ROBO2: variants seen among roughly 807,000 people sequenced by gnomAD.
ROBO2 encodes roundabout homolog 2.
In ROBO2, 53 loss-of-function variants were observed where a neutral mutation model predicts 160.8. The ratio of observed to expected loss-of-function variants is 0.33; its 90% CI spans 0.26 to 0.41. The LOEUF is 0.41. Ranked by LOEUF, ROBO2 falls within the 10% of genes least tolerant of loss-of-function variation. ROBO2 has a pLI of 1.00. For synonymous variants in ROBO2, 664 were observed against 611.7 expected (o/e 1.09, Z -1.26); for missense variants, 1,577 against 1,722.4 (o/e 0.92, Z 1.49).
chr3:76,700,954 C>T (rs574366456), intron 2 of ROBO2, among the ~76,000 whole-genome samples: 1 of 152,072 alleles, frequency 6.6e-6, no homozygotes, highest in Non-Finnish European at 1.5e-5. Flanking sequence ...AATCATGATT[C>T]CTCTTAATTA....
chr3:76,520,839 G>A (rs183876169), intron 2 of ROBO2, among the ~76,000 whole-genome samples: 5 of 152,088 alleles, frequency 3.3e-5, no homozygotes, highest in Admixed American at 3.3e-4. Flanking sequence ...ATTTTAAAAA[G>A]GGCCTTTCTG....
chr3:76,156,663 T>C (rs1331125773), intron 2 of ROBO2, among the ~76,000 whole-genome samples: 1 of 152,172 alleles, frequency 6.6e-6, no homozygotes, highest in Non-Finnish European at 1.5e-5. Flanking sequence ...ATTATAGAAT[T>C]AACGAACTTT....
chr3:76,610,777 G>A (rs1162856327), intron 2 of ROBO2, among the ~76,000 whole-genome samples: 3 of 152,042 alleles, frequency 2.0e-5, no homozygotes, highest in Admixed American at 1.3e-4. Context: ...GTGGTCCAGC[G>A]AGCAGGAGCA....
chr3:76,233,787 A>G (rs1255922440), intron 2 of ROBO2, among the ~76,000 whole-genome samples: 1 of 151,230 alleles, frequency 6.6e-6, no homozygotes, highest in Non-Finnish European at 1.5e-5. Context: ...ATAAACGTAC[A>G]CTCTTTTAGT....
intron 2 of ROBO2, among the ~76,000 whole-genome samples, chr3:77,154,074 G>C (rs1301449265): frequency 6.6e-6 from 1 of 151,892 alleles, no homozygotes; most frequent in Non-Finnish European, 1.5e-5. Context: ...ATCAGAAAAA[G>C]CAGTTTCTTC....
chr3:76,729,038 G>A (rs1030005700), intron 2 of ROBO2, among the ~76,000 whole-genome samples: 4 of 151,856 alleles, frequency 2.6e-5, no homozygotes, highest in African/African-American at 9.7e-5. Flanking sequence ...CACAATAAAT[G>A]TAGACTTTAC....
At chr3:76,463,027 C>G (rs2078171278) in intron 2 of ROBO2, among the ~76,000 whole-genome samples, 1 of 152,154 alleles carries the variant, frequency 6.6e-6, no homozygotes, top group Non-Finnish European at 1.5e-5. Flanking sequence ...CACCGCATTA[C>G]ATGGTTGTAC....
intron 2 of ROBO2, among the ~76,000 whole-genome samples, chr3:76,910,449 C>A (rs532354629): frequency 6.6e-6 from 1 of 151,682 alleles, no homozygotes; most frequent in East Asian, 1.9e-4. Context: ...CATTGTTGGC[C>A]GCACATGGTG....
chr3:76,721,270 A>AGTATTC (rs3041281), intron 2 of ROBO2, among the ~76,000 whole-genome samples: 62,875 of 148,562 alleles, frequency 0.42, 13,397 homozygotes, highest in Non-Finnish European at 0.48. Flanking sequence ...TAACTTTTGA[A>AGTATTC]GTATTTTGTA....
intron 2 of ROBO2, among the ~76,000 whole-genome samples, chr3:76,308,593 CT>C (rs1178933255): frequency 2.0e-5 from 3 of 152,122 alleles, no homozygotes; most frequent in Non-Finnish European, 4.4e-5. Flanking sequence ...TGCCTCTCCT[CT>C]TAGTCTTTCA....
At chr3:75,935,906 C>A (rs1015469524) in intron 1 of ROBO2, among the ~76,000 whole-genome samples, 1 of 152,120 alleles carries the variant, frequency 6.6e-6, no homozygotes, top group Non-Finnish European at 1.5e-5. Flanking sequence ...ACTAGGGGAT[C>A]GTGTAGCATT....
intron 2 of ROBO2, among the ~76,000 whole-genome samples, chr3:75,944,821 T>C (rs916701995): frequency 3.9e-5 from 6 of 152,206 alleles, no homozygotes; most frequent in Admixed American, 1.3e-4. Flanking sequence ...CTTCTTTTTC[T>C]TATGGTAACT....
chr3:77,022,639 A>G (rs1461471179), intron 2 of ROBO2, among the ~76,000 whole-genome samples: 2 of 152,150 alleles, frequency 1.3e-5, no homozygotes, highest in Non-Finnish European at 2.9e-5. Flanking sequence ...TAAAACTTTG[A>G]TTAAACAAAT....
chr3:76,948,908 A>ATATATATATATATATAT (rs1209284372), intron 2 of ROBO2, among the ~76,000 whole-genome samples: 1 of 24,970 alleles, frequency 4.0e-5, no homozygotes, highest in African/African-American at 1.8e-4. Flanking sequence ...ATATATATAT[A>ATATATATATATATATAT]TTTTTTTTTT....
chr3:77,177,962 T>A (rs1290316450), intron 2 of ROBO2, among the ~76,000 whole-genome samples: 1 of 152,028 alleles, frequency 6.6e-6, no homozygotes. Flanking sequence ...TCAGCTAATA[T>A]TTTTCTGAAT....
chr3:76,464,483 T>A (rs1456474232), intron 2 of ROBO2, among the ~76,000 whole-genome samples: 1 of 151,532 alleles, frequency 6.6e-6, no homozygotes, highest in Non-Finnish European at 1.5e-5. Context: ...ACCAAACCAC[T>A]CTCTCTCTAG....
At chr3:77,188,568 G>A (rs1026692637) in intron 2 of ROBO2, among the ~76,000 whole-genome samples, 8 of 151,732 alleles carry the variant, frequency 5.3e-5, no homozygotes, top group East Asian at 1.9e-4. Flanking sequence ...TCTTTCATTC[G>A]TTTAAGGCAG....
intron 2 of ROBO2, among the ~76,000 whole-genome samples, chr3:76,154,009 A>G (rs1025968060): frequency 6.6e-6 from 1 of 152,132 alleles, no homozygotes; most frequent in African/African-American, 2.4e-5. Context: ...TCTGCTTGCC[A>G]GTTACCTAAT....
At chr3:75,915,475 C>A (rs1242086479) in intron 1 of ROBO2, among the ~76,000 whole-genome samples, 1 of 152,030 alleles carries the variant, frequency 6.6e-6, no homozygotes. Context: ...GTCATCTGAT[C>A]CCAGCATAAT....
Sources: gnomAD v4.1 joint callset for allele counts (sites outside exome capture counted in the v4.1 genomes callset) on GRCh38, gnomAD v4.1.1 for gene constraint, MANE v1.5 for transcripts, NCBI Gene and HGNC (gene_info 2026-07-23, HGNC 2026-07-21) for gene names.